ASPH: variants seen among roughly 807,000 people sequenced by gnomAD.
ASPH encodes the protein aspartate beta-hydroxylase.
In ASPH, 100 loss-of-function variants were observed where a neutral mutation model predicts 118.4. The ratio of observed to expected loss-of-function variants is 0.84; its 90% CI spans 0.72 to 1.00. The LOEUF (loss-of-function observed/expected upper bound fraction) is 1.00. Among genes scored for constraint, ASPH ranks in the 50% least tolerant of loss-of-function variants. The pLI, the probability that ASPH is intolerant of heterozygous loss-of-function variation, is 0.00. For synonymous variants in ASPH, 315 were observed against 325.6 expected, an observed-to-expected ratio of 0.97 and a Z score of 0.35; for missense variants, 920 against 919.5, an observed-to-expected ratio of 1.00 and a Z score of -0.01.
chr8:61,646,620 C>A, intron 6 of ASPH, 130 bp downstream of exon 6: 1 of 1,120,850 alleles, frequency 8.9e-7, no homozygotes, highest in Non-Finnish European at 1.2e-6. Flanking sequence ...TTAATTGAAG[C>A]TTTAAGCTTC....
intron 9 of ASPH, 144 bp downstream of exon 9, chr8:61,643,242 T>C: frequency 1.3e-6 from 1 of 778,982 alleles, no homozygotes; most frequent in Non-Finnish European, 1.9e-6. Context: ...ACAGTCTAAC[T>C]TTGTTATAAA....
At chr8:61,702,940 G>A (rs1563655209) in intron 1 of ASPH, among the ~76,000 whole-genome samples, 3 of 152,168 alleles carry the variant, frequency 2.0e-5, no homozygotes, top group Admixed American at 2.0e-4. Flanking sequence ...AGGAGAAGCA[G>A]GGGGAGAGGA....
At chr8:61,558,562 T>A (rs1421610160) in intron 18 of ASPH, among the ~76,000 whole-genome samples, 2 of 152,142 alleles carry the variant, frequency 1.3e-5, no homozygotes, top group African/African-American at 4.8e-5. Context: ...GCTCTGTGGC[T>A]CTACTGTGAT....
At chr8:61,571,486 A>G (rs1833458423) in intron 16 of ASPH, among the ~76,000 whole-genome samples, 1 of 152,208 alleles carries the variant, frequency 6.6e-6, no homozygotes, top group South Asian at 2.1e-4. Context: ...ATTACTTATT[A>G]TACCCAATAC....
chr8:61,583,205 G>A (rs1051208098), intron 15 of ASPH: 1 of 151,798 alleles, frequency 6.6e-6, no homozygotes, highest in Non-Finnish European at 1.5e-5. Context: ...TTTGCATCAA[G>A]GAGCTATAAA....
intron 3 of ASPH, chr8:61,675,255 C>G (rs1824697902): frequency 4.6e-6 from 4 of 874,238 alleles, no homozygotes; most frequent in Non-Finnish European, 4.1e-6. Flanking sequence ...TGGAAAAAGA[C>G]TTATTTAGGA....
intron 22 of ASPH, among the ~76,000 whole-genome samples, chr8:61,523,741 C>T (rs1031749043): frequency 6.6e-6 from 1 of 152,098 alleles, no homozygotes; most frequent in Non-Finnish European, 1.5e-5. Context: ...AAAAGGGAAA[C>T]TATGTGAATT....
chr8:61,513,177 A>T (rs1385654124), intron 24 of ASPH, among the ~76,000 whole-genome samples: 1 of 152,230 alleles, frequency 6.6e-6, no homozygotes, highest in Non-Finnish European at 1.5e-5. Context: ...AGACAGTCTG[A>T]AAAATTGCTG....
chr8:61,561,561 A>G (rs922534765), intron 18 of ASPH, among the ~76,000 whole-genome samples: 2 of 152,220 alleles, frequency 1.3e-5, no homozygotes, highest in African/African-American at 2.4e-5. Flanking sequence ...AGAGGAAAGT[A>G]CCGCTTTGAG....
At chr8:61,665,345 A>G in intron 3 of ASPH, 1 of 1,613,706 alleles carries the variant, frequency 6.2e-7, no homozygotes, top group Non-Finnish European at 8.5e-7. Context: ...TCGGGATGCC[A>G]TTTTACTAGA....
intron 13 of ASPH, chr8:61,624,732 C>A: frequency 1.0e-6 from 1 of 985,680 alleles, no homozygotes; most frequent in Non-Finnish European, 1.2e-6. Context: ...CTACAAAAAT[C>A]CAGCAAAACT....
chr8:61,708,546 T>C (rs976912445), intron 1 of ASPH, among the ~76,000 whole-genome samples: 2 of 151,954 alleles, frequency 1.3e-5, no homozygotes, highest in Non-Finnish European at 2.9e-5. Flanking sequence ...ATTAGAAGAA[T>C]AATAAATAAG....
Position 61,539,699 on chromosome 8 carries a change from G to GGGGTGTGTGTGTGT in ASPH, c.1764+8371_1764+8372insACACACACACACCC, listed in dbSNP as rs1554618405. Among the ~76,000 whole-genome samples, 503 of 124,294 alleles carry GGGGTGTGTGTGTGT rather than the reference G, an allele frequency of 4.0e-3. 4 individuals are homozygous for GGGGTGTGTGTGTGT. The highest frequency in any genetic ancestry group is 6.6e-3 in the African/African-American group (239 of 36,054). 81.5% of individuals were successfully genotyped at this position (124,294 alleles called of 152,430 possible). A position where few individuals can be genotyped will look rare whatever the true frequency, so the allele number is the denominator to read the frequency against. On this transcript the variant is annotated intron_variant, in intron 21 of 24. Coordinates refer to ENST00000379454, the MANE Select transcript of ASPH (RefSeq NM_004318.4). ...TGTGATGGTCACCTAACACTTCTGG[G>GGGGTGTGTGTGTGT]GTGTGTGTGTGTGTGTGTGTGTGTG...
intron 3 of ASPH, among the ~76,000 whole-genome samples, chr8:61,679,767 T>C (rs1293943550): frequency 6.6e-6 from 1 of 151,830 alleles, no homozygotes; most frequent in Non-Finnish European, 1.5e-5. Flanking sequence ...TACATAATTT[T>C]GTTTCTTTTA....
chr8:61,693,280 G>C (rs1414672954), intron 1 of ASPH, among the ~76,000 whole-genome samples: 1 of 152,068 alleles, frequency 6.6e-6, no homozygotes, highest in African/African-American at 2.4e-5. Flanking sequence ...CATCATAAAC[G>C]CAACCTAATT....
intron 1 of ASPH, among the ~76,000 whole-genome samples, chr8:61,686,527 C>T (rs1487854015): frequency 1.3e-5 from 2 of 152,176 alleles, no homozygotes; most frequent in East Asian, 1.9e-4. Context: ...TAATTCACTA[C>T]ATTTTTATAA....
At chr8:61,504,386 A>C (rs1333783601) in intron 24 of ASPH, among the ~76,000 whole-genome samples, 1 of 152,216 alleles carries the variant, frequency 6.6e-6, no homozygotes, top group East Asian at 1.9e-4. Context: ...AGCCTTCAAA[A>C]TTTTACATCC....
At chr8:61,660,022 A>G (rs1308235704) in intron 3 of ASPH, 2 of 151,732 alleles carry the variant, frequency 1.3e-5, no homozygotes, top group African/African-American at 4.8e-5. Flanking sequence ...ATTTAGATTC[A>G]AGGAGCACGT....
At chr8:61,665,211 C>T in intron 3 of ASPH, 3 of 1,531,614 alleles carry the variant, frequency 2.0e-6, no homozygotes, top group Non-Finnish European at 2.6e-6. Flanking sequence ...AAACTGCAAT[C>T]TGGAACATGA....
Sources: allele counts gnomAD v4.1 joint callset (sites outside exome capture counted in the v4.1 genomes callset), GRCh38; gene constraint gnomAD v4.1.1; transcripts MANE v1.5; gene names NCBI Gene and HGNC (gene_info 2026-07-23, HGNC 2026-07-21).